The following STEAP1 variants were observed in gnomAD, a reference collection of about 807,000 sequenced individuals.
STEAP1 encodes the protein STEAP family member 1.
In STEAP1, 30 loss-of-function variants were observed where a neutral mutation model predicts 34.4. That is an observed-to-expected ratio of 0.87 (90% CI 0.65 to 1.18). The LOEUF is 1.18. Ranked by LOEUF, STEAP1 falls within the 50% of genes most tolerant of loss-of-function variation. STEAP1 has a pLI of 0.00. For synonymous variants in STEAP1, 116 were observed against 135.3 expected, an observed-to-expected ratio of 0.86 and a Z score of 0.99; for missense variants, 318 against 391.1, an observed-to-expected ratio of 0.81 and a Z score of 1.58.
At position 90,162,048 on chromosome 7, in the gene STEAP1, T is replaced by C. The variant is rs1794193441; in HGVS notation, c.732T>C (p.Ser244=). The C allele has an allele frequency of 6.2e-7, 1 of 1,610,372 alleles. No homozygotes were observed. The highest frequency in any genetic ancestry group is 8.5e-7 in the Non-Finnish European group (1 of 1,179,044). ...AVTSIPSVSD[S]LTWREFHYIQ... is the part of the protein sequence containing the mutation. ...CATCTATTCCATCTGTGAGTGACTC[T>C]TTGACATGGAGAGAATTTCACTATA... Residue 244 remains serine, a synonymous_variant, in exon 4 of 5, where the codon TCT becomes TCC. Transcript: ENST00000297205.
In STEAP1 at chr7:90,160,949, A is replaced by G. The variant is rs1327845765; in HGVS notation, c.229A>G (p.Ile77Val). ...LFPQWHLPIK[I>V]AAIIASLTFL... ...TCCACAGTGGCACTTGCCAATTAAA[A>G]TAGCTGCTATTATAGCATCTCTGAC... The change falls in exon 3 of 5, where the codon ATA becomes GTA. Residue 77 changes from isoleucine (I) to valine (V), a missense_variant. By Grantham distance (29) the Ile-to-Val change is conservative (BLOSUM62 3). Transcript: ENST00000297205. 6.2e-7 allele frequency: 1 copy of G among 1,614,038 alleles called. No homozygotes were observed. The highest frequency in any genetic ancestry group is 1.7e-5 in the Admixed American group (1 of 60,024).
chr7:90,163,373 TA>T lies in STEAP1; in HGVS notation c.763-1103del, dbSNP rs561896684. On this transcript the variant is annotated intron_variant, in intron 4 of 4. Transcript: ENST00000297205. ...ATGAACACTGCTTTTTAGACTTCAT[TA>T]GGAATTTAGGACTGCATCTTGACAA... Among the ~76,000 whole-genome samples the T allele has an allele frequency of 2.2e-3, 330 of 152,302 alleles. 2 individuals carry two copies. Among genetic ancestry groups the T allele is most frequent in the Middle Eastern group, 0.02 (6 of 294 alleles).
intron 3 of STEAP1, among the ~76,000 whole-genome samples, chr7:90,161,702 A>G (rs545821455): frequency 6.6e-6 from 1 of 151,916 alleles, no homozygotes; most frequent in African/African-American, 2.4e-5. Flanking sequence ...AAATTAATAG[A>G]TTATGGAAGT....
At chr7:90,160,074 C>G (rs910667344) in intron 2 of STEAP1, among the ~76,000 whole-genome samples, 1 of 151,998 alleles carries the variant, frequency 6.6e-6, no homozygotes, top group Non-Finnish European at 1.5e-5. Flanking sequence ...TTGTCAGGGA[C>G]TTAGCTGAAT....
intron 1 of STEAP1, among the ~76,000 whole-genome samples, chr7:90,155,395 G>A (rs1244583746): frequency 4.6e-5 from 7 of 152,152 alleles, no homozygotes; most frequent in African/African-American, 1.4e-4. Context: ...TCTCAACTGC[G>A]GGACATAAAC....
chr7:90,164,383 A>G, intron 4 of STEAP1, 94 bp from the exon 5 acceptor site: 2 of 1,364,642 alleles, frequency 1.5e-6, no homozygotes, highest in Non-Finnish European at 2.0e-6. Context: ...ATCATAGATA[A>G]AGGATTTCCA....
At chr7:90,155,876 T>C (rs899942076) in intron 1 of STEAP1, among the ~76,000 whole-genome samples, 1 of 152,198 alleles carries the variant, frequency 6.6e-6, no homozygotes, top group Non-Finnish European at 1.5e-5. Context: ...ACTGCCAACC[T>C]GCTAGCTACC....
At chr7:90,158,279 AT>A (rs1190260459) in intron 1 of STEAP1, among the ~76,000 whole-genome samples, 4 of 151,876 alleles carry the variant, frequency 2.6e-5, no homozygotes, top group African/African-American at 4.8e-5. Context: ...TTATTGAAAA[AT>A]TTTTTTCTTT....
chr7:90,164,700 A>G lies in STEAP1; in HGVS notation c.986A>G (p.Lys329Arg). The G allele has an allele frequency of 6.2e-7, 1 of 1,613,116 alleles. No individual in the cohort carries two copies. Among genetic ancestry groups the G allele is most frequent in the South Asian group, 1.1e-5 (1 of 90,908 alleles). The change falls in exon 5 of 5, where the codon AAA (lysine) becomes AGA (arginine). Residue 329 changes from lysine to arginine, a missense_variant. Transcript: ENST00000297205. ...AGACATGGTTGGGAAGACGTCACCA[A>G]AATTAACAAAACTGAGATATGTTCC... ...KIRHGWEDVTKINKTEICSQL is the reference protein window; with the variant it reads ...KIRHGWEDVTRINKTEICSQL
At chr7:90,163,126 C>G in intron 4 of STEAP1, 1 of 318,666 alleles carries the variant, frequency 3.1e-6, no homozygotes, top group Admixed American at 2.8e-5. Flanking sequence ...ACATTCGCAA[C>G]TATCCCTTCT....
At chr7:90,163,169 A>G in intron 4 of STEAP1, 1 of 218,268 alleles carries the variant, frequency 4.6e-6, no homozygotes, top group Non-Finnish European at 1.1e-5. Flanking sequence ...ACACTTTATT[A>G]GGCATCTGAT....
Position 90,161,226 on chromosome 7 carries a change from T to A in STEAP1, c.506T>A (p.Phe169Tyr). The A allele has an allele frequency of 6.2e-7, 1 of 1,614,190 alleles. No homozygotes were observed. Among genetic ancestry groups the A allele is most frequent in the Non-Finnish European group, 8.5e-7 (1 of 1,180,008 alleles). ...LTRKQFGLLS[F>Y]FFAVLHAIYS... ...AGAAAGCAGTTTGGGCTTCTCAGTTTCTTTTTTGCTGTACTGCATGCAATT... is the reference window on the plus strand; with the variant it reads ...AGAAAGCAGTTTGGGCTTCTCAGTTACTTTTTTGCTGTACTGCATGCAATT... The change falls in exon 3 of 5, where the codon TTC (phenylalanine) becomes TAC (tyrosine). Residue 169 changes from phenylalanine (F) to tyrosine (Y), a missense_variant. Physicochemically the swap from Phe to Tyr is conservative, Grantham distance 22 (BLOSUM62 3). Transcript: ENST00000297205.
At chr7:90,160,700 C>T (rs1366180464) in intron 2 of STEAP1, 105 bp from the exon 3 acceptor site, 1 of 1,491,082 alleles carries the variant, frequency 6.7e-7, no homozygotes, top group Non-Finnish European at 8.9e-7. Flanking sequence ...ATTCTGAATG[C>T]CCTTATTCAA....
At chr7:90,157,729 A>C (rs1049461112) in intron 1 of STEAP1, among the ~76,000 whole-genome samples, 1 of 152,274 alleles carries the variant, frequency 6.6e-6, no homozygotes, top group African/African-American at 2.4e-5. Context: ...AAATATTCCA[A>C]GAGTACCTCA....
chr7:90,164,446 A>T (rs1794225145), intron 4 of STEAP1, 31 bp from the exon 5 acceptor site: 1 of 1,576,530 alleles, frequency 6.3e-7, no homozygotes, highest in Non-Finnish European at 8.6e-7. Context: ...TTATTGAACC[A>T]ATCTTCACCA....
rs1254085880 is a variant in STEAP1, at chr7:90,164,584, T to A, written c.870T>A (p.Thr290=). Residue 290 remains threonine (T), a synonymous_variant, in exon 5 of 5, where the codon ACT becomes ACA. Transcript: ENST00000297205. Reference sequence around the variant, plus strand: ...AATTTGTATGGTATACACCTCCAACTTTTATGATAGCTGTTTTCCTTCCAA... The same window carrying A: ...AATTTGTATGGTATACACCTCCAACATTTATGATAGCTGTTTTCCTTCCAA... The part of the protein sequence containing the change: ...IKQFVWYTPP[T]FMIAVFLPIV... 2 of 1,613,836 alleles carry A rather than the reference T, an allele frequency of 1.2e-6. No homozygotes were observed.
chr7:90,163,625 C>A (rs1168229310), intron 4 of STEAP1, among the ~76,000 whole-genome samples: 2 of 152,118 alleles, frequency 1.3e-5, no homozygotes, highest in Admixed American at 1.3e-4. Flanking sequence ...AAGAATGCGC[C>A]TGAATAATTG....
Position 90,161,294 on chromosome 7 carries a change from T to C in STEAP1, c.574T>C (p.Leu192=). 6.2e-7 allele frequency: 1 copy of C among 1,613,350 alleles called. No homozygotes were observed. Among genetic ancestry groups the C allele is most frequent in the Non-Finnish European group, 8.5e-7 (1 of 1,179,494 alleles). The part of the protein sequence containing the change: ...YPMRRSYRYK[L]LNWAYQQVQQ... ...AATGAGGCGATCCTACAGATACAAG[T>C]TGCTAAACTGGGCATATCAACAGGT... The change falls in exon 3 of 5, where the codon TTG becomes CTG. Residue 192 remains leucine (L), a synonymous_variant. Coordinates refer to ENST00000297205, the MANE Select transcript of STEAP1 (RefSeq NM_012449.3).
chr7:90,163,783 A>G (rs1435759012), intron 4 of STEAP1, among the ~76,000 whole-genome samples: 1 of 152,208 alleles, frequency 6.6e-6, no homozygotes, highest in African/African-American at 2.4e-5. Flanking sequence ...TGTAGTGACA[A>G]AGCATCCCAA....
Sources: gnomAD v4.1 joint callset for allele counts (sites outside exome capture counted in the v4.1 genomes callset) on GRCh38, gnomAD v4.1.1 for gene constraint, MANE v1.5 for transcripts, NCBI Gene and HGNC (gene_info 2026-07-23, HGNC 2026-07-21) for gene names.